The following DCDC2 variants were observed in gnomAD, a reference collection of about 807,000 sequenced individuals.
The protein encoded by DCDC2 is doublecortin domain containing 2, also known as doublecortin domain-containing protein 2.
DCDC2 carries 40 observed loss-of-function variants against 50.2 expected under a neutral mutation model. The observed-to-expected ratio is 0.80, with a 90% confidence interval of 0.62 to 1.04. The LOEUF (loss-of-function observed/expected upper bound fraction) is 1.04, where lower values mean the gene tolerates loss of function less well. DCDC2 is among the 50% of genes least tolerant of loss of function. The pLI, the probability that DCDC2 is intolerant of heterozygous loss-of-function variation, is 0.00. For synonymous variants in DCDC2, 234 were observed against 210.6 expected, an observed-to-expected ratio of 1.11 and a Z score of -0.96; for missense variants, 570 against 581.9, an observed-to-expected ratio of 0.98 and a Z score of 0.21.
intron 7 of DCDC2, among the ~76,000 whole-genome samples, chr6:24,258,122 G>T (rs1486680032): frequency 3.3e-5 from 5 of 152,292 alleles, no homozygotes; most frequent in African/African-American, 1.2e-4. Flanking sequence ...CTTCAAAAAT[G>T]ACGCCACTGA....
chr6:24,351,974 C>T (rs921947142), intron 2 of DCDC2, among the ~76,000 whole-genome samples: 3 of 151,940 alleles, frequency 2.0e-5, no homozygotes, highest in East Asian at 1.9e-4. Context: ...TGTGGTGGCA[C>T]GTGCCTGTAA....
intron 2 of DCDC2, among the ~76,000 whole-genome samples, chr6:24,328,561 C>A (rs983303047): frequency 3.3e-5 from 5 of 152,198 alleles, no homozygotes; most frequent in Non-Finnish European, 7.3e-5. Context: ...CATGGCCAAT[C>A]ATGCCCCAGA....
At chr6:24,343,671 C>T (rs767536121) in intron 2 of DCDC2, among the ~76,000 whole-genome samples, 8 of 152,166 alleles carry the variant, frequency 5.3e-5, no homozygotes, top group South Asian at 2.1e-4. Context: ...ACTACACAGT[C>T]CTAAATTTCA....
At chr6:24,287,841 T>C (rs1763645717) in intron 6 of DCDC2, among the ~76,000 whole-genome samples, 1 of 152,262 alleles carries the variant, frequency 6.6e-6, no homozygotes, top group Admixed American at 6.5e-5. Flanking sequence ...TTAGCTTGTT[T>C]GTTGCCTTTT....
chr6:24,318,487 A>G (rs558872203), intron 2 of DCDC2, among the ~76,000 whole-genome samples: 15 of 152,162 alleles, frequency 9.9e-5, no homozygotes, highest in African/African-American at 3.1e-4. Context: ...TTGGACTTTT[A>G]GTGTATCCAT....
At position 24,291,083 on chromosome 6, in the gene DCDC2, C is replaced by T. The variant is rs748792618; in HGVS notation, c.558-5G>A. The T allele has an allele frequency of 1.9e-6, 3 of 1,605,520 alleles. No homozygotes were observed. The highest frequency in any genetic ancestry group is 2.5e-6 in the Non-Finnish European group (3 of 1,177,452). On this transcript the variant is annotated splice_region_variant and splice_polypyrimidine_tract_variant and intron_variant, in intron 4 of 9. Coordinates refer to ENST00000378454, the MANE Select transcript of DCDC2 (RefSeq NM_016356.5). ...TTTCCTTCTAAAGTATAAAGCCTGT[C>T]GAAAATATGAACACCAACAATTAGA...
chr6:24,378,977 A>C, the DCDC2 span, among the ~76,000 whole-genome samples: 27 of 151,048 alleles, frequency 1.8e-4, no homozygotes, highest in Admixed American at 3.3e-4. Flanking sequence ...AAAAAAAAAA[A>C]GGCCAATCTA....
At position 24,287,634 on chromosome 6, in the gene DCDC2, C is replaced by T. The variant is rs572466384; in HGVS notation, c.759+1218G>A. 4.6e-5 allele frequency among the ~76,000 whole-genome samples: 7 copies of T among 152,352 alleles called. No individual in the cohort carries two copies. The East Asian group carries it at 1.3e-3, about 29-fold the overall frequency. On this transcript the variant is annotated intron_variant, in intron 6 of 9. Coordinates refer to ENST00000378454, the MANE Select transcript of DCDC2 (RefSeq NM_016356.5). ...GTCAGCCAGCGTGACTGCTTCTTCGCATGCCCACGTCTGCCCCAACCATCT... is the reference window on the plus strand; with the variant it reads ...GTCAGCCAGCGTGACTGCTTCTTCGTATGCCCACGTCTGCCCCAACCATCT...
chr6:24,355,725 G>C (rs1760454986), intron 1 of DCDC2, among the ~76,000 whole-genome samples: 1 of 152,126 alleles, frequency 6.6e-6, no homozygotes, highest in Admixed American at 6.5e-5. Context: ...AGCTTCAGGG[G>C]AGGGAAAAAT....
At chr6:24,297,088 T>C (rs1255175928) in intron 4 of DCDC2, among the ~76,000 whole-genome samples, 1 of 152,030 alleles carries the variant, frequency 6.6e-6, no homozygotes, top group Non-Finnish European at 1.5e-5. Context: ...GTAGACTGGA[T>C]AAAGAAAAAG....
intron 7 of DCDC2, among the ~76,000 whole-genome samples, chr6:24,220,879 A>AGAGCGAGAGAGTGAGCGAGCGAGC (rs1762089412): frequency 5.6e-5 from 6 of 106,978 alleles, no homozygotes; most frequent in African/African-American, 9.2e-5. Context: ...CAAGAGAGCG[A>AGAGCGAGAGAGTGAGCGAGCGAGC]GAGCGAGAGA....
intron 2 of DCDC2, among the ~76,000 whole-genome samples, chr6:24,337,724 G>A (rs556679780): frequency 1.3e-5 from 2 of 150,066 alleles, no homozygotes; most frequent in Admixed American, 6.7e-5. Context: ...CTTGAACCTG[G>A]GAGACGGAGG....
rs954525630 is a variant in DCDC2, at chr6:24,174,331, T to C, written c.*399A>G. ...TTTATTGCTTTAAGAAAATAGTACA[T>C]GCTTTCCTATTACCAGTTCTTTAAA... On this transcript the variant is annotated 3_prime_UTR_variant, in exon 10 of 10. Coordinates refer to ENST00000378454, the MANE Select transcript of DCDC2 (RefSeq NM_016356.5). The C allele has an allele frequency of 1.3e-5, 2 of 154,346 alleles. No homozygotes were observed. Among genetic ancestry groups the C allele is most frequent in the African/African-American group, 4.8e-5 (2 of 41,500 alleles). The allele number at this position is 154,346 out of a possible 1,614,324, so 9.6% of individuals were successfully genotyped here.
intron 2 of DCDC2, among the ~76,000 whole-genome samples, chr6:24,352,639 A>G (rs1760393828): frequency 6.6e-6 from 1 of 152,166 alleles, no homozygotes; most frequent in Admixed American, 6.5e-5. Context: ...TTCTTACGCA[A>G]TATTTTTTCT....
upstream of DCDC2, among the ~76,000 whole-genome samples, chr6:24,358,947 T>C (rs1581671470): frequency 1.4e-5 from 1 of 69,862 alleles, no homozygotes; most frequent in Admixed American, 2.7e-4. Flanking sequence ...TTATATATTA[T>C]ATATTATATA....
intron 2 of DCDC2, among the ~76,000 whole-genome samples, chr6:24,329,026 C>T (rs955592145): frequency 1.4e-4 from 22 of 152,158 alleles, no homozygotes; most frequent in African/African-American, 4.6e-4. Context: ...AGGATTTAAA[C>T]TTAAGGCTAT....
chr6:24,314,853 T>G (rs1331714368), intron 2 of DCDC2, among the ~76,000 whole-genome samples: 1 of 152,158 alleles, frequency 6.6e-6, no homozygotes, highest in Non-Finnish European at 1.5e-5. Flanking sequence ...CCAATGATGC[T>G]GCTAACTTGC....
intron 4 of DCDC2, among the ~76,000 whole-genome samples, chr6:24,301,362 C>T (rs1759369280): frequency 9.7e-6 from 1 of 103,552 alleles, no homozygotes; most frequent in Non-Finnish European, 1.8e-5. Context: ...CAGAGCAAGG[C>T]TCCATCTCAA....
At chr6:24,318,763 T>C (rs529833961) in intron 2 of DCDC2, among the ~76,000 whole-genome samples, 1 of 123,494 alleles carries the variant, frequency 8.1e-6, no homozygotes, top group Non-Finnish European at 1.7e-5. Flanking sequence ...TGAATAATAT[T>C]CCGTTTTATA....
Sources: gnomAD v4.1 joint callset for allele counts (sites outside exome capture counted in the v4.1 genomes callset) on GRCh38, gnomAD v4.1.1 for gene constraint, MANE v1.5 for transcripts, NCBI Gene and HGNC (gene_info 2026-07-23, HGNC 2026-07-21) for gene names.